ANKRD26: variants seen among roughly 807,000 people sequenced by gnomAD.
The protein encoded by ANKRD26 is ankyrin repeat domain-containing protein 26.
Under a neutral mutation model 208.7 loss-of-function variants are expected in ANKRD26, and 141 were observed. That is an observed-to-expected ratio of 0.68 (90% confidence interval 0.59 to 0.78). ANKRD26 has a LOEUF of 0.78. Ranked by LOEUF, ANKRD26 falls within the 30% of genes least tolerant of loss-of-function variation. The pLI is 0.00. For synonymous variants in ANKRD26, 636 were observed against 660.4 expected (o/e 0.96, Z 0.57); for missense variants, 1,889 against 1,938.7 (o/e 0.97, Z 0.48).
At chr10:26,958,755 GTGC>G in the ANKRD26 span, among the ~76,000 whole-genome samples, 14,436 of 152,126 alleles carry the variant, frequency 0.095, 1,338 homozygotes, top group East Asian at 0.48. Context: ...ATTGTAAACA[GTGC>G]TGCAATGAAC....
chr10:27,091,570 CT>C (rs2056300967), intron 4 of ANKRD26, among the ~76,000 whole-genome samples: 1 of 152,122 alleles, frequency 6.6e-6, no homozygotes, highest in Admixed American at 6.5e-5. Flanking sequence ...AAGAAAGCAA[CT>C]TAAAGCAAAG....
At chr10:27,098,756 A>T (rs1239130127) in intron 1 of ANKRD26, among the ~76,000 whole-genome samples, 2 of 151,550 alleles carry the variant, frequency 1.3e-5, no homozygotes, top group Non-Finnish European at 2.9e-5. Context: ...TCACTGTGTT[A>T]GCCAGGATGG....
intron 25 of ANKRD26, among the ~76,000 whole-genome samples, chr10:27,029,611 A>G (rs557640369): frequency 2.2e-4 from 33 of 152,350 alleles, no homozygotes; most frequent in Middle Eastern, 6.8e-3. Flanking sequence ...GAACTAAAAC[A>G]TATTACTCTT....
In ANKRD26 at chr10:27,035,665, C is replaced by T; in HGVS notation, c.2785G>A (p.Asp929Asn). ...EEIAMLRLEIDTIKNQNQEKE... is the reference protein window; with the variant it reads ...EEIAMLRLEINTIKNQNQEKE... ...TCCTGGTTTTGATTTTTTATTGTGT[C>T]TATTTCTAGTCTTAGCATAGCAATT... Residue 929 changes from aspartate to asparagine, a missense_variant, in exon 24 of 34, where the codon GAC (aspartate) becomes AAC (asparagine). By Grantham distance (23) the Asp-to-Asn change is conservative. This residue lies in a region of ANKRD26 where 1,272 missense variants were observed against 1,273.8 expected (regional missense o/e 1.00). Transcript: ENST00000376087. 6.3e-7 allele frequency: 1 copy of T among 1,597,416 alleles called. No individual in the cohort carries two copies. Among genetic ancestry groups the T allele is most frequent in the South Asian group, 1.1e-5 (1 of 87,244 alleles).
At chr10:27,029,199 T>C in intron 26 of ANKRD26, 87 bp downstream of exon 26, 3 of 1,432,668 alleles carry the variant, frequency 2.1e-6, no homozygotes, top group Non-Finnish European at 2.9e-6. Flanking sequence ...GATGTACTTA[T>C]GATCATAGCT....
At chr10:27,060,155 A>G (rs1238377233) in intron 15 of ANKRD26, among the ~76,000 whole-genome samples, 190 bp downstream of exon 15, 1 of 152,196 alleles carries the variant, frequency 6.6e-6, no homozygotes, top group Admixed American at 6.5e-5. Flanking sequence ...GTGAGCCGAG[A>G]TCACGCCACT....
intron 32 of ANKRD26, among the ~76,000 whole-genome samples, chr10:27,009,599 T>G (rs146600911): frequency 1.8e-3 from 270 of 152,336 alleles, no homozygotes; most frequent in African/African-American, 6.3e-3. Context: ...GTGCCATCGA[T>G]GGTTTTTGAA....
At chr10:27,008,433 C>T (rs76506574) in intron 32 of ANKRD26, among the ~76,000 whole-genome samples, 2,849 of 152,036 alleles carry the variant, frequency 0.019, 155 homozygotes, top group East Asian at 0.16. Flanking sequence ...CTTTATTGAA[C>T]GAATCTTATA....
intron 27 of ANKRD26, 64 bp from the exon 28 acceptor site, chr10:27,024,623 T>C (rs2135060896): frequency 1.1e-6 from 1 of 928,718 alleles, no homozygotes; most frequent in Non-Finnish European, 1.7e-6. Context: ...CTTAAAACTA[T>C]TATTTCTTAT....
intron 9 of ANKRD26, among the ~76,000 whole-genome samples, chr10:27,072,542 T>C (rs1042585371): frequency 6.6e-6 from 1 of 152,178 alleles, no homozygotes; most frequent in African/African-American, 2.4e-5. Context: ...GGGAGATCCA[T>C]GGCCCCAACC....
chr10:27,077,647 T>C lies in ANKRD26; in HGVS notation c.860A>G (p.Gln287Arg), dbSNP rs2055749476. 5.0e-6 allele frequency: 8 copies of C among 1,613,396 alleles called. No homozygotes were observed. The highest frequency in any genetic ancestry group is 6.8e-6 in the Non-Finnish European group (8 of 1,179,930). The change falls in exon 8 of 34, where the codon CAA (glutamine) becomes CGA (arginine). Residue 287 changes from glutamine (Q) to arginine (R), a missense_variant. Gln to Arg is a conservative substitution (Grantham distance 43). Coordinates refer to ENST00000376087, the MANE Select transcript of ANKRD26 (RefSeq NM_014915.3). ...AAACAGCTTACAATTTTTCCTGGAT[T>C]GCTGAGAAGCAGTCATTAGCTTTGC... ...SLAKLMTASQ[Q>R]SRKNLEATYG...
chr10:27,046,354 T>C lies in ANKRD26; in HGVS notation c.1984A>G (p.Arg662Gly). The C allele has an allele frequency of 6.2e-7, 1 of 1,613,958 alleles. No individual in the cohort carries two copies. Reference protein sequence around the residue: ...SLSEIDEDEGRPTKKTSNEKN... With the variant: ...SLSEIDEDEGGPTKKTSNEKN... ...AAATAAAGAAATCATAGATTTTACC[T>C]TCCTTCATCCTCATCTATTTCACTT... Residue 662 changes from arginine (R) to glycine (G), a missense_variant and splice_region_variant, in exon 18 of 34, where the codon AGG (arginine) becomes GGG (glycine). Transcript: ENST00000376087.
chr10:27,051,570 T>G, intron 16 of ANKRD26: 1 of 985,214 alleles, frequency 1.0e-6, no homozygotes, highest in Non-Finnish European at 1.2e-6. Context: ...GTTAAAAACA[T>G]GTTCAGTGTC....
downstream of ANKRD26, among the ~76,000 whole-genome samples, chr10:27,003,644 A>AGT (rs1042643156): frequency 2.6e-5 from 4 of 152,360 alleles, no homozygotes; most frequent in East Asian, 1.9e-4. Flanking sequence ...CAGTAATGGA[A>AGT]GTGAGTGACA....
intron 5 of ANKRD26, among the ~76,000 whole-genome samples, chr10:26,978,079 C>T (rs1188968856): frequency 2.0e-5 from 3 of 152,198 alleles, no homozygotes; most frequent in African/African-American, 7.2e-5. Flanking sequence ...CCTTTCTCTA[C>T]ACTGCTGCCT....
the ANKRD26 span, among the ~76,000 whole-genome samples, chr10:26,957,350 C>A: frequency 4.1e-4 from 62 of 152,018 alleles, no homozygotes; most frequent in East Asian, 8.5e-3. Flanking sequence ...GTTGGGCCAC[C>A]ACACTACAGC....
At chr10:26,973,774 C>T (rs1277788896), downstream of ANKRD26, among the ~76,000 whole-genome samples, 1 of 147,448 alleles carries the variant, frequency 6.8e-6, no homozygotes, top group African/African-American at 2.5e-5. Flanking sequence ...CTGCCTTAGC[C>T]TCCTGAGTAG....
chr10:26,963,903 G>GTTTTTTTTTTTTTTTTTTT, the ANKRD26 span, among the ~76,000 whole-genome samples: 23 of 71,844 alleles, frequency 3.2e-4, 4 homozygotes, highest in East Asian at 1.5e-3. Context: ...TGGTTGGTTG[G>GTTTTTTTTTTTTTTTTTTT]TTTTTTTTTT....
At chr10:27,007,981 A>G (rs2052951720) in intron 32 of ANKRD26, among the ~76,000 whole-genome samples, 1 of 151,976 alleles carries the variant, frequency 6.6e-6, no homozygotes, top group Non-Finnish European at 1.5e-5. Flanking sequence ...ATAGCTCTTT[A>G]ATTGTAATTT....
Sources: gnomAD v4.1 joint callset for allele counts (sites outside exome capture counted in the v4.1 genomes callset) on GRCh38, gnomAD v4.1.1 for gene constraint, gnomAD v4.1.1 regional missense constraint, MANE v1.5 for transcripts, NCBI Gene and HGNC (gene_info 2026-07-23, HGNC 2026-07-21) for gene names.